Variants in ADGRE2 observed in about 807,000 individuals in gnomAD.
ADGRE2 encodes the protein CD97 antigen.
Under a neutral mutation model 100.8 loss-of-function variants are expected in ADGRE2, and 83 were observed. The observed-to-expected ratio is 0.82, with a 90% CI of 0.69 to 0.99. ADGRE2 has a LOEUF of 0.99. Ranked by LOEUF, ADGRE2 falls within the 50% of genes least tolerant of loss-of-function variation. The pLI is 0.00. For synonymous variants in ADGRE2, 355 were observed against 413.0 expected, an observed-to-expected ratio of 0.86 and a Z score of 1.70; for missense variants, 814 against 1,035.7, an observed-to-expected ratio of 0.79 and a Z score of 2.94.
At chr19:14,770,067 G>C (rs370593443) in intron 5 of ADGRE2, among the ~76,000 whole-genome samples, 1 of 152,120 alleles carries the variant, frequency 6.6e-6, no homozygotes, top group East Asian at 1.9e-4. Context: ...TGCATGCGGT[G>C]ATACAGTTTG....
chr19:14,738,966 TTTC>T (rs964151181), intron 20 of ADGRE2, among the ~76,000 whole-genome samples: 18 of 131,138 alleles, frequency 1.4e-4, no homozygotes, highest in Non-Finnish European at 2.2e-4. Context: ...TTTCTTTTCT[TTTC>T]TTTTTTTTTT....
In ADGRE2 at chr19:14,755,671, A is replaced by G; in HGVS notation, c.1399T>C (p.Phe467Leu). The G allele has an allele frequency of 1.2e-6, 2 of 1,614,132 alleles. No individual in the cohort carries two copies. The highest frequency in any genetic ancestry group is 2.2e-5 in the East Asian group (1 of 44,884). Residue 467 changes from phenylalanine (F) to leucine (L), a missense_variant, in exon 13 of 21, where the codon TTC becomes CTC. By Grantham distance (22) the Phe-to-Leu change is conservative. This residue lies in a region of ADGRE2 where 569 missense variants were observed against 692.7 expected (regional missense o/e 0.82). Coordinates refer to ENST00000315576, the MANE Select transcript of ADGRE2 (RefSeq NM_013447.4). Reference protein sequence around the residue: ...DTQNLSSPVTFTFSHRSVIPR... With the variant: ...DTQNLSSPVTLTFSHRSVIPR... ...GCACTCACACGGTGGGAGAAGGTGA[A>G]GGTAACTGGGGAGCTGAGGTTTTGG...
chr19:14,755,711 C>T lies in ADGRE2; in HGVS notation c.1359G>A (p.Leu453=), dbSNP rs761497777. 4 of 1,614,174 alleles carry T rather than the reference C, an allele frequency of 2.5e-6. No homozygotes were observed. In the South Asian group the frequency reaches 3.3e-5, roughly 13 times the overall value. Residue 453 remains leucine (L), a synonymous_variant, in exon 13 of 21, where the codon CTG becomes CTA. Transcript: ENST00000315576. ...TGAGGTTTTGGGTGTCGTTGTTGCT[C>T]AGAAAGGCAGAGATCACATCTGAGA... ...ILLSDVISAF[L]SNNDTQNLSS...
intron 2 of ADGRE2, 83 bp downstream of exon 2, chr19:14,776,643 C>G (rs954625828): frequency 9.5e-5 from 139 of 1,462,520 alleles, no homozygotes; most frequent in Non-Finnish European, 1.3e-4. Flanking sequence ...ACACCAGCGG[C>G]GCCTCCCGTT....
At chr19:14,762,778 G>C (rs1426731744) in intron 11 of ADGRE2, among the ~76,000 whole-genome samples, 1 of 151,968 alleles carries the variant, frequency 6.6e-6, no homozygotes, top group African/African-American at 2.4e-5. Context: ...TGAGTAGCTA[G>C]GATTACAGGT....
At chr19:14,762,472 A>G (rs55658072) in intron 11 of ADGRE2, among the ~76,000 whole-genome samples, 82,164 of 151,712 alleles carry the variant, frequency 0.54, 22,638 homozygotes, top group Middle Eastern at 0.62. Flanking sequence ...AGCGGCTGCC[A>G]TGGGTTGGAG....
intron 4 of ADGRE2, among the ~76,000 whole-genome samples, chr19:14,773,432 G>T (rs1555790069): frequency 7.1e-6 from 1 of 140,960 alleles, no homozygotes; most frequent in Non-Finnish European, 1.5e-5. Context: ...TTGAGATGGG[G>T]TCTTGCTCCT....
intron 12 of ADGRE2, 77 bp from the exon 13 acceptor site, chr19:14,755,954 C>T (rs1824374655): frequency 8.6e-6 from 11 of 1,272,230 alleles, no homozygotes; most frequent in Non-Finnish European, 1.1e-5. Context: ...CTGCCCTGCA[C>T]AGAACTTTCT....
At chr19:14,745,881 G>A (rs2043070870) in intron 18 of ADGRE2, among the ~76,000 whole-genome samples, 1 of 152,214 alleles carries the variant, frequency 6.6e-6, no homozygotes, top group Non-Finnish European at 1.5e-5. Flanking sequence ...TTTCACTTAA[G>A]AGAGTGACCT....
chr19:14,757,305 T>C (rs756862009), intron 11 of ADGRE2, among the ~76,000 whole-genome samples: 2 of 152,218 alleles, frequency 1.3e-5, no homozygotes, highest in Non-Finnish European at 2.9e-5. Flanking sequence ...TCCCCCAAAG[T>C]GGTCTAGAGA....
chr19:14,761,556 A>AT (rs371575950), intron 11 of ADGRE2, among the ~76,000 whole-genome samples: 132 of 147,024 alleles, frequency 9.0e-4, no homozygotes, highest in South Asian at 1.3e-3. Flanking sequence ...CCCCTATATC[A>AT]TTTTTTTTTT....
intron 16 of ADGRE2, among the ~76,000 whole-genome samples, chr19:14,750,489 T>C (rs893505342): frequency 1.1e-4 from 17 of 152,064 alleles, no homozygotes; most frequent in Non-Finnish European, 2.4e-4. Context: ...CAATGCTTTC[T>C]CCCTAAGTAC....
At position 14,763,345 on chromosome 19, in the gene ADGRE2, AAAAACAAAAC is replaced by A. The variant is rs373264140; in HGVS notation, c.1084+1078_1084+1087del. Among the ~76,000 whole-genome samples the A allele has an allele frequency of 3.2e-4, 49 of 152,102 alleles. No individual in the cohort carries two copies. In the East Asian group the frequency reaches 4.3e-3, roughly 13 times the overall value. On this transcript the variant is annotated intron_variant, in intron 11 of 20. Coordinates refer to ENST00000315576, the MANE Select transcript of ADGRE2 (RefSeq NM_013447.4). ...GCGACAGAGTGAGACTCTGTCTCAA[AAAAACAAAAC>A]AAAACAAAACAAAACAAACAAAAAC...
At chr19:14,760,116 C>T (rs1336892888) in intron 11 of ADGRE2, among the ~76,000 whole-genome samples, 2 of 152,154 alleles carry the variant, frequency 1.3e-5, no homozygotes, top group Non-Finnish European at 2.9e-5. Flanking sequence ...CCGTGCCCGG[C>T]CCAAGTTCTA....
chr19:14,762,225 C>G (rs189597455), intron 11 of ADGRE2, among the ~76,000 whole-genome samples: 1 of 149,192 alleles, frequency 6.7e-6, no homozygotes, highest in Non-Finnish European at 1.5e-5. Flanking sequence ...AAGGTGGAAA[C>G]AACCCAAATG....
At chr19:14,755,356 G>A (rs190459064) in intron 13 of ADGRE2, among the ~76,000 whole-genome samples, 1 of 152,296 alleles carries the variant, frequency 6.6e-6, no homozygotes, top group East Asian at 1.9e-4. Flanking sequence ...GGGAGGCTGA[G>A]GCAGGAGAAT....
At chr19:14,739,962 G>A (rs923734334) in intron 20 of ADGRE2, among the ~76,000 whole-genome samples, 6 of 151,954 alleles carry the variant, frequency 3.9e-5, no homozygotes, top group South Asian at 2.1e-4. Context: ...TTAGCCAGGC[G>A]TGGTGGCGGG....
chr19:14,754,477 A>G lies in ADGRE2; in HGVS notation c.1590+477T>C, dbSNP rs10409438. On this transcript the variant is annotated intron_variant, in intron 14 of 20. Coordinates refer to ENST00000315576, the MANE Select transcript of ADGRE2 (RefSeq NM_013447.4). Reference sequence around the variant, plus strand: ...TATCTATCTATCTATCTATCTATCTATCTATCTATCTATTCCATTAGTTCT... The same window carrying G: ...TATCTATCTATCTATCTATCTATCTGTCTATCTATCTATTCCATTAGTTCT... 1.3e-3 allele frequency among the ~76,000 whole-genome samples: 196 copies of G among 150,202 alleles called. 2 individuals are homozygous for G. Among genetic ancestry groups the G allele is most frequent in the East Asian group, 5.9e-3 (30 of 5,098 alleles).
intron 5 of ADGRE2, among the ~76,000 whole-genome samples, chr19:14,770,673 T>TCC (rs1456435933): frequency 8.0e-6 from 1 of 125,382 alleles, no homozygotes; most frequent in Non-Finnish European, 1.6e-5. Context: ...TCTTTTCTTT[T>TCC]TTTTTTTTTT....
Sources: gnomAD v4.1 joint callset for allele counts (sites outside exome capture counted in the v4.1 genomes callset) on GRCh38, gnomAD v4.1.1 for gene constraint, gnomAD v4.1.1 regional missense constraint, MANE v1.5 for transcripts, NCBI Gene and HGNC (gene_info 2026-07-23, HGNC 2026-07-21) for gene names.